Variants in FAM50B observed in about 807,000 individuals in gnomAD.
FAM50B encodes protein FAM50B.
FAM50B carries 9 observed loss-of-function variants against 25.4 expected under a neutral mutation model. That is an observed-to-expected ratio of 0.35 (90% CI 0.21 to 0.62). The LOEUF (loss-of-function observed/expected upper bound fraction) is 0.62. Ranked by LOEUF, FAM50B falls within the 20% of genes least tolerant of loss-of-function variation. FAM50B has a pLI of 0.73. For missense variants in FAM50B, 372 were observed against 477.9 expected, an observed-to-expected ratio of 0.78 and a Z score of 2.07; for synonymous variants, 212 against 204.3, an observed-to-expected ratio of 1.04 and a Z score of -0.32.
chr6:3,834,359 C>CAAAAAAAAAAAAAAAAAAAAGAAA, the FAM50B span, among the ~76,000 whole-genome samples: 7 of 75,048 alleles, frequency 9.3e-5, no homozygotes, highest in African/African-American at 2.2e-4. Context: ...TGATATATGG[C>CAAAAAAAAAAAAAAAAAAAAGAAA]AAAAAAAAAA....
chr6:3,848,236 G>A (rs146337611), upstream of FAM50B, among the ~76,000 whole-genome samples: 36 of 152,332 alleles, frequency 2.4e-4, no homozygotes, highest in East Asian at 6.4e-3. Flanking sequence ...CAGTATCCCA[G>A]AGCTCAATAA....
rs1561775397 is a variant in FAM50B, at chr6:3,850,061, C to T, written c.250C>T (p.Arg84Cys). Reference sequence around the variant, plus strand: ...CCGGCAGGAGGCCCTGGTCAGGGAGCGCGAGCGGCAGCTGGCCAAGCGCCA... The same window carrying T: ...CCGGCAGGAGGCCCTGGTCAGGGAGTGCGAGCGGCAGCTGGCCAAGCGCCA... ...KARQEALVRE[R>C]ERQLAKRQHL... The change falls in exon 2 of 2, where the codon CGC (arginine) becomes TGC (cysteine). Residue 84 changes from arginine (R) to cysteine (C), a missense_variant. This residue lies in a region of FAM50B where 224 missense variants were observed against 232.2 expected (regional missense o/e 0.96). Coordinates refer to ENST00000648326, the MANE Select transcript of FAM50B (RefSeq NM_012135.3). 6.2e-7 allele frequency: 1 copy of T among 1,611,556 alleles called. No homozygotes were observed. The highest frequency in any genetic ancestry group is 8.5e-7 in the Non-Finnish European group (1 of 1,179,102).
At chr6:3,836,388 G>A in the FAM50B span, among the ~76,000 whole-genome samples, 1 of 152,164 alleles carries the variant, frequency 6.6e-6, no homozygotes, top group Non-Finnish European at 1.5e-5. Context: ...GTGGTTGCAT[G>A]GACGATCTCA....
the FAM50B span, chr6:3,833,601 T>G: frequency 6.6e-6 from 1 of 152,364 alleles, no homozygotes; most frequent in East Asian, 1.9e-4. Context: ...AAATAAAATA[T>G]TTTTAATCTA....
chr6:3,845,348 A>G (rs1291533628), upstream of FAM50B, among the ~76,000 whole-genome samples: 2 of 152,184 alleles, frequency 1.3e-5, no homozygotes, highest in Non-Finnish European at 2.9e-5. Flanking sequence ...GATGCTGGAT[A>G]ATGGGAGGGT....
chr6:3,839,516 A>G, the FAM50B span, among the ~76,000 whole-genome samples: 1 of 152,082 alleles, frequency 6.6e-6, no homozygotes, highest in Non-Finnish European at 1.5e-5. Context: ...CAAAGGGATA[A>G]TACAAGTTTT....
At chr6:3,838,805 C>A in the FAM50B span, among the ~76,000 whole-genome samples, 5 of 139,866 alleles carry the variant, frequency 3.6e-5, no homozygotes, top group Non-Finnish European at 6.0e-5. Flanking sequence ...CATACTACTG[C>A]ACTCCAGCCT....
At chr6:3,843,989 T>C in the FAM50B span, among the ~76,000 whole-genome samples, 29 of 152,208 alleles carry the variant, frequency 1.9e-4, no homozygotes, top group Non-Finnish European at 3.4e-4. Context: ...ATTTCAAGGC[T>C]GACTCTGGAG....
At chr6:3,844,427 A>G (rs1263495008), upstream of FAM50B, among the ~76,000 whole-genome samples, 1 of 152,154 alleles carries the variant, frequency 6.6e-6, no homozygotes. Flanking sequence ...AAACAAGAAT[A>G]ATACCGGGCG....
chr6:3,844,995 T>C (rs1384132912), upstream of FAM50B, among the ~76,000 whole-genome samples: 1 of 152,238 alleles, frequency 6.6e-6, no homozygotes, highest in African/African-American at 2.4e-5. Context: ...GAAGAATAAC[T>C]AGAACAATCA....
At chr6:3,845,845 G>T (rs563348806), upstream of FAM50B, among the ~76,000 whole-genome samples, 225 of 152,284 alleles carry the variant, frequency 1.5e-3, no homozygotes, top group African/African-American at 5.1e-3. Flanking sequence ...CTCCCGAGCA[G>T]CTGGGACTAC....
At chr6:3,839,323 G>C in the FAM50B span, among the ~76,000 whole-genome samples, 3 of 152,054 alleles carry the variant, frequency 2.0e-5, no homozygotes, top group Non-Finnish European at 4.4e-5. Flanking sequence ...CCTCCCCCAG[G>C]AAGAACATTC....
chr6:3,850,326 A>C lies in FAM50B; in HGVS notation c.515A>C (p.Glu172Ala). 1 of 1,613,220 alleles carries C rather than the reference A, an allele frequency of 6.2e-7. No individual in the cohort carries two copies. The highest frequency in any genetic ancestry group is 1.3e-5 in the African/African-American group (1 of 75,020). ...ENRLREELRQ[E>A]WEAQREKVKD... ...CGGCTCCGAGAGGAGCTGCGCCAAGAGTGGGAGGCGCAGCGCGAGAAAGTG... is the reference window on the plus strand; with the variant it reads ...CGGCTCCGAGAGGAGCTGCGCCAAGCGTGGGAGGCGCAGCGCGAGAAAGTG... Residue 172 changes from glutamate to alanine, a missense_variant, in exon 2 of 2, where the codon GAG (glutamate) becomes GCG (alanine). Glu to Ala is a moderately radical substitution (Grantham distance 107, BLOSUM62 -1). Transcript: ENST00000648326.
At chr6:3,835,603 G>A in the FAM50B span, among the ~76,000 whole-genome samples, 25 of 152,316 alleles carry the variant, frequency 1.6e-4, no homozygotes, top group East Asian at 1.9e-3. Flanking sequence ...GAGGAACAAC[G>A]CAAACAAGCT....
At chr6:3,847,786 T>C (rs1390836569), upstream of FAM50B, among the ~76,000 whole-genome samples, 1 of 152,232 alleles carries the variant, frequency 6.6e-6, no homozygotes, top group East Asian at 1.9e-4. Context: ...TTCTAGCCTT[T>C]GATTTAAAGT....
chr6:3,839,043 G>A, the FAM50B span, among the ~76,000 whole-genome samples: 1 of 151,860 alleles, frequency 6.6e-6, no homozygotes, highest in Admixed American at 6.6e-5. Context: ...GAGTCAGTTT[G>A]TGTTGCTATA....
At chr6:3,834,635 G>A in the FAM50B span, among the ~76,000 whole-genome samples, 1 of 151,968 alleles carries the variant, frequency 6.6e-6, no homozygotes, top group African/African-American at 2.4e-5. Context: ...TAAGTTCTAG[G>A]CACTATAAGA....
the FAM50B span, among the ~76,000 whole-genome samples, chr6:3,839,196 T>C: frequency 2.0e-5 from 3 of 151,576 alleles, no homozygotes; most frequent in Non-Finnish European, 4.4e-5. Context: ...AAAAGGAAGC[T>C]GGTATGTGCA....
the FAM50B span, among the ~76,000 whole-genome samples, chr6:3,840,999 G>T: frequency 1.3e-5 from 2 of 152,298 alleles, no homozygotes; most frequent in East Asian, 3.9e-4. Context: ...AGCAATGAAT[G>T]GCAAGAATAT....
Sources: allele counts gnomAD v4.1 joint callset (sites outside exome capture counted in the v4.1 genomes callset), GRCh38; gene constraint gnomAD v4.1.1; regional missense constraint gnomAD v4.1.1; transcripts MANE v1.5; gene names NCBI Gene and HGNC (gene_info 2026-07-23, HGNC 2026-07-21).